OR5D3: variants seen among roughly 807,000 people sequenced by gnomAD.
OR5D3 encodes olfactory receptor family 5 subfamily D member 3.
chr11:55,727,145 G>A, the OR5D3 span: 1 of 398,806 alleles, frequency 2.5e-6, no homozygotes, highest in Non-Finnish European at 4.4e-6. Context: ...AAATTATTAT[G>A]TCATAAAATG....
chr11:55,726,288 A>G, the OR5D3 span: 38,621 of 417,164 alleles, frequency 0.093, 2,040 homozygotes, highest in African/African-American at 0.17. Context: ...ACCTTCAGAT[A>G]CCCCTGTTCC....
the OR5D3 span, chr11:55,727,267 C>T: frequency 2.8e-5 from 11 of 395,886 alleles, no homozygotes; most frequent in Non-Finnish European, 4.9e-5. Context: ...AATATCTATT[C>T]ACACTGATGT....
the OR5D3 span, chr11:55,728,270 C>T: frequency 6.7e-6 from 1 of 149,670 alleles, no homozygotes; most frequent in South Asian, 2.1e-4. Context: ...AAATCACGTC[C>T]AAGCCCCAAA....
the OR5D3 span, among the ~76,000 whole-genome samples, chr11:55,724,656 T>C: frequency 6.6e-6 from 1 of 152,102 alleles, no homozygotes; most frequent in Non-Finnish European, 1.5e-5. Context: ...GTCTGCACAA[T>C]GCAGTTTTCA....
At chr11:55,728,639 T>C in the OR5D3 span, 1 of 152,094 alleles carries the variant, frequency 6.6e-6, no homozygotes, top group Non-Finnish European at 1.5e-5. Context: ...ATCCAAGCTG[T>C]TAAGTGATAC....
the OR5D3 span, chr11:55,728,754 A>G: frequency 4.2e-5 from 6 of 144,490 alleles, no homozygotes; most frequent in African/African-American, 1.5e-4. Flanking sequence ...ACTGTTTAGG[A>G]ATATACAACA....
chr11:55,729,610 C>T, the OR5D3 span: 1 of 151,890 alleles, frequency 6.6e-6, no homozygotes, highest in Non-Finnish European at 1.5e-5. Context: ...TAACACTTTG[C>T]TTACGTGAGT....
At chr11:55,725,284 T>C in the OR5D3 span, among the ~76,000 whole-genome samples, 13 of 152,096 alleles carry the variant, frequency 8.5e-5, no homozygotes, top group African/African-American at 3.1e-4. Context: ...ATTGAGGAAA[T>C]GCCTTGTGGC....
At chr11:55,726,139 A>G in the OR5D3 span, 1 of 397,450 alleles carries the variant, frequency 2.5e-6, no homozygotes, top group Non-Finnish European at 4.4e-6. Context: ...GTCTCTCAAT[A>G]TTTCTTCCTT....
At chr11:55,724,703 G>A in the OR5D3 span, among the ~76,000 whole-genome samples, 1 of 152,048 alleles carries the variant, frequency 6.6e-6, no homozygotes, top group Non-Finnish European at 1.5e-5. Flanking sequence ...AATTGTTAAA[G>A]TCATTGGCTC....
chr11:55,725,793 T>G, the OR5D3 span, among the ~76,000 whole-genome samples: 1 of 152,020 alleles, frequency 6.6e-6, no homozygotes, highest in African/African-American at 2.4e-5. Flanking sequence ...TTACAATTTG[T>G]TAAGAGTTGT....
chr11:55,727,191 C>A, the OR5D3 span: 4 of 397,872 alleles, frequency 1.0e-5, no homozygotes, highest in Non-Finnish European at 1.8e-5. Flanking sequence ...TCCTTGAGAG[C>A]AGCACTGCAG....
the OR5D3 span, chr11:55,728,885 G>T: frequency 2.0e-5 from 3 of 151,972 alleles, no homozygotes; most frequent in Non-Finnish European, 4.4e-5. Context: ...GTGTGTATGT[G>T]TGTGCATATG....
At chr11:55,724,290 T>C in the OR5D3 span, among the ~76,000 whole-genome samples, 2 of 152,124 alleles carry the variant, frequency 1.3e-5, no homozygotes, top group East Asian at 3.9e-4. Context: ...ATCAATACTT[T>C]GGCAGATAAA....
At chr11:55,726,509 T>C in the OR5D3 span, 1 of 434,870 alleles carries the variant, frequency 2.3e-6, no homozygotes, top group Middle Eastern at 3.4e-4. Context: ...GGATGCATCA[T>C]GCAATTCTTC....
At chr11:55,725,685 T>A in the OR5D3 span, among the ~76,000 whole-genome samples, 1 of 152,060 alleles carries the variant, frequency 6.6e-6, no homozygotes, top group East Asian at 1.9e-4. Context: ...AGCTCCAGAA[T>A]GTGTTGAAAG....
chr11:55,725,445 G>A, the OR5D3 span, among the ~76,000 whole-genome samples: 4 of 152,100 alleles, frequency 2.6e-5, no homozygotes, highest in Admixed American at 2.6e-4. Context: ...GTACTTTCAT[G>A]TTTATTATTG....
the OR5D3 span, chr11:55,726,081 A>G: frequency 4.6e-4 from 181 of 396,506 alleles, no homozygotes; most frequent in Non-Finnish European, 1.9e-4. Context: ...ATAATTTGAC[A>G]GTGGAAACCT....
the OR5D3 span, chr11:55,727,304 A>G: frequency 5.1e-6 from 2 of 389,476 alleles, no homozygotes; most frequent in African/African-American, 2.1e-5. Flanking sequence ...AAAGTTATAA[A>G]TACTGTAAGT....
Sources: allele counts gnomAD v4.1 joint callset (sites outside exome capture counted in the v4.1 genomes callset), GRCh38; gene constraint gnomAD v4.1.1; transcripts MANE v1.5; gene names NCBI Gene and HGNC (gene_info 2026-07-23, HGNC 2026-07-21).